EHMT1: variants seen among roughly 807,000 people sequenced by gnomAD.
EHMT1 encodes the protein histone-lysine N-methyltransferase EHMT1.
A neutral mutation model predicts 147.2 loss-of-function variants in EHMT1; 15 were observed. The observed-to-expected ratio is 0.10, with a 90% CI of 0.07 to 0.16. The LOEUF (loss-of-function observed/expected upper bound fraction) is 0.16. Ranked by LOEUF, EHMT1 falls within the 10% of genes least tolerant of loss-of-function variation. The pLI is 1.00. For missense variants in EHMT1, 1,587 were observed against 1,772.4 expected (o/e 0.90, Z 1.88); for synonymous variants, 795 against 709.6 (o/e 1.12, Z -1.91).
At chr9:137,777,812 G>A (rs950778053) in intron 12 of EHMT1, 70 bp from the exon 13 acceptor site, 41 of 1,596,138 alleles carry the variant, frequency 2.6e-5, no homozygotes, top group Admixed American at 1.7e-4. Flanking sequence ...CAGCGCTCTC[G>A]GGCAGTCAGA....
At chr9:137,630,495 G>A (rs984157823) in intron 1 of EHMT1, among the ~76,000 whole-genome samples, 2 of 152,130 alleles carry the variant, frequency 1.3e-5, no homozygotes, top group Non-Finnish European at 2.9e-5. Context: ...GGCATGAGAA[G>A]GTGGACAAAG....
At chr9:137,624,476 T>A (rs1843130758) in intron 1 of EHMT1, among the ~76,000 whole-genome samples, 2 of 151,966 alleles carry the variant, frequency 1.3e-5, no homozygotes, top group South Asian at 2.1e-4. Context: ...CCACCACGCC[T>A]GGCTAATTTT....
rs1956011845 is a variant in EHMT1, at chr9:137,828,970, C to CGAAGT, written c.3541-5371_3541-5367dup. 6.6e-6 allele frequency among the ~76,000 whole-genome samples: 1 copy of CGAAGT among 152,102 alleles called. No individual in the cohort carries two copies. The highest frequency in any genetic ancestry group is 2.4e-5 in the African/African-American group (1 of 41,424). On this transcript the variant is annotated intron_variant, in intron 25 of 26. Transcript: ENST00000460843. The surrounding 1 kb of genome is among the most constrained non-coding windows in gnomAD (Gnocchi z 5.3). Reference sequence around the variant, plus strand: ...CCCAGATGGCCTCTTTTGCCTCTGGCGAAGTGAAGTGAGCACCTGTAGTGA... The same window carrying CGAAGT: ...CCCAGATGGCCTCTTTTGCCTCTGGCGAAGTGAAGTGAAGTGAGCACCTGTAGTGA...
chr9:137,725,590 C>T (rs1164117449), intron 3 of EHMT1, among the ~76,000 whole-genome samples: 1 of 152,126 alleles, frequency 6.6e-6, no homozygotes, highest in Non-Finnish European at 1.5e-5. Flanking sequence ...GTAGGTTCCG[C>T]AGTAGGGAGC....
At chr9:137,735,886 C>T (rs1947491645) in intron 4 of EHMT1, among the ~76,000 whole-genome samples, 1 of 152,184 alleles carries the variant, frequency 6.6e-6, no homozygotes. Context: ...TTCCAATTTC[C>T]ACCATGAGCC....
chr9:137,813,592 G>A lies in EHMT1; in HGVS notation c.3180+62G>A. ...GACATGGGACAGGCAGAAGCTTCTTGAGCCTGGGGTCCTGGGTTCTCACCA... is the reference window on the plus strand; with the variant it reads ...GACATGGGACAGGCAGAAGCTTCTTAAGCCTGGGGTCCTGGGTTCTCACCA... On this transcript the variant is annotated intron_variant, in intron 21 of 26. Transcript: ENST00000460843. This position sits in a 1 kb window ranked among gnomAD's most constrained non-coding sequence, Gnocchi z 4.9. The A allele has an allele frequency of 6.2e-7, 1 of 1,604,596 alleles. No homozygotes were observed. The highest frequency in any genetic ancestry group is 2.2e-5 in the East Asian group (1 of 44,772).
At chr9:137,784,464 T>C in intron 15 of EHMT1, 3 of 1,104,698 alleles carry the variant, frequency 2.7e-6, no homozygotes, top group Non-Finnish European at 3.3e-6. Context: ...ATTTCGATTT[T>C]GCCGTTTCTC....
chr9:137,641,740 A>G (rs1004506255), intron 1 of EHMT1, among the ~76,000 whole-genome samples: 1 of 151,956 alleles, frequency 6.6e-6, no homozygotes, highest in Non-Finnish European at 1.5e-5. Context: ...AGGGGCAGAG[A>G]CGGGTGTTTG....
chr9:137,762,603 T>C, intron 9 of EHMT1, 72 bp from the exon 10 acceptor site: 13 of 1,609,948 alleles, frequency 8.1e-6, no homozygotes, highest in Non-Finnish European at 1.1e-5. Context: ...GTTGAGACTA[T>C]AATCGATCAC....
At chr9:137,690,406 G>A (rs1203559504) in intron 1 of EHMT1, among the ~76,000 whole-genome samples, 1 of 151,364 alleles carries the variant, frequency 6.6e-6, no homozygotes, top group African/African-American at 2.4e-5. Flanking sequence ...CGCTTTGAGA[G>A]GCCGAAGTGG....
chr9:137,775,020 T>G lies in EHMT1; in HGVS notation c.1648-89T>G. On this transcript the variant is annotated intron_variant, in intron 10 of 26. Transcript: ENST00000460843. This position sits in a 1 kb window ranked among gnomAD's most constrained non-coding sequence, Gnocchi z 6.1. ...TCAGCCCACACCTGCTGAGCAGCTC[T>G]TGTGTGCCTGCACTGCCCAGCGCCT... 1 of 1,586,602 alleles carries G rather than the reference T, an allele frequency of 6.3e-7. No homozygotes were observed. Among genetic ancestry groups the G allele is most frequent in the Non-Finnish European group, 8.6e-7 (1 of 1,157,640 alleles).
intron 7 of EHMT1, among the ~76,000 whole-genome samples, chr9:137,753,929 A>G (rs1301815039): frequency 6.6e-6 from 1 of 152,174 alleles, no homozygotes; most frequent in Non-Finnish European, 1.5e-5. Flanking sequence ...AGATGGATAC[A>G]TTTCACTTTC....
chr9:137,773,690 A>G (rs1950739541), intron 10 of EHMT1, among the ~76,000 whole-genome samples: 1 of 152,256 alleles, frequency 6.6e-6, no homozygotes, highest in African/African-American at 2.4e-5. Context: ...AAGTTTGGAC[A>G]GAACTCACAG....
chr9:137,787,906 A>G lies in EHMT1; in HGVS notation c.2383-2942A>G, dbSNP rs1272323712. The G allele has an allele frequency of 1.9e-5, 27 of 1,453,394 alleles. No individual in the cohort carries two copies. The highest frequency in any genetic ancestry group is 2.4e-4 in the Middle Eastern group (1 of 4,174). The allele number at this position is 1,453,394 out of a possible 1,614,324, so 90.0% of individuals were successfully genotyped here. A position where few individuals can be genotyped will look rare whatever the true frequency, so the allele number is the denominator to read the frequency against. On this transcript the variant is annotated intron_variant, in intron 15 of 26. Transcript: ENST00000460843. This position sits in a 1 kb window ranked among gnomAD's most constrained non-coding sequence, Gnocchi z 4.2. ...AAGGGCATTACCACATTGGGAGTGTAGATTGGCAAGTAGGAGGTGGGCAGC... is the reference window on the plus strand; with the variant it reads ...AAGGGCATTACCACATTGGGAGTGTGGATTGGCAAGTAGGAGGTGGGCAGC...
intron 1 of EHMT1, chr9:137,646,391 C>T (rs1589104905): frequency 1.0e-6 from 1 of 985,498 alleles, no homozygotes; most frequent in South Asian, 4.7e-5. Flanking sequence ...AATCCTGTGA[C>T]CACGGGGAGA....
rs1950964248 is a variant in EHMT1 at position 137,776,438 on chromosome 9, CG to C, written c.1792-177del. ...TCTTCTCTGTGGGGCGAGAGCACCA[CG>C]GGAAGCATCGTTCCTCCTTCTTAAC... On this transcript the variant is annotated intron_variant, in intron 11 of 26. Coordinates refer to ENST00000460843, the MANE Select transcript of EHMT1 (RefSeq NM_024757.5). The surrounding 1 kb of genome is among the most constrained non-coding windows in gnomAD (Gnocchi z 4.4). 1 of 610,688 alleles carries C rather than the reference CG, an allele frequency of 1.6e-6. No individual in the cohort carries two copies. The highest frequency in any genetic ancestry group is 1.8e-5 in the South Asian group (1 of 54,250). The allele number at this position is 610,688 out of a possible 1,614,324, so 37.8% of individuals were successfully genotyped here. A position where few individuals can be genotyped will look rare whatever the true frequency, so the allele number is the denominator to read the frequency against.
intron 16 of EHMT1, among the ~76,000 whole-genome samples, chr9:137,798,024 T>C (rs944918453): frequency 2.6e-5 from 4 of 152,162 alleles, no homozygotes; most frequent in Non-Finnish European, 4.4e-5. Flanking sequence ...TTTGAGATGG[T>C]TTGATAGGTG....
rs1228232829 is a variant in EHMT1 at position 137,814,521 on chromosome 9, T to C, written c.3258+13T>C. ...CTGGTACGACAAGGTGAGGGCGGCCTCGTGTGCGTGGGCTCAGGTGGTAAG... is the reference window on the plus strand; with the variant it reads ...CTGGTACGACAAGGTGAGGGCGGCCCCGTGTGCGTGGGCTCAGGTGGTAAG... On this transcript the variant is annotated intron_variant, in intron 22 of 26. Coordinates refer to ENST00000460843, the MANE Select transcript of EHMT1 (RefSeq NM_024757.5). 3 of 1,603,386 alleles carry C rather than the reference T, an allele frequency of 1.9e-6. No individual in the cohort carries two copies. Among genetic ancestry groups the C allele is most frequent in the Admixed American group, 1.7e-5 (1 of 60,002 alleles).
Position 137,731,758 on chromosome 9 carries a change from C to A in EHMT1, c.823+3229C>A, listed in dbSNP as rs887237542. Among the ~76,000 whole-genome samples the A allele has an allele frequency of 6.6e-6, 1 of 152,146 alleles. No homozygotes were observed. Among genetic ancestry groups the A allele is most frequent in the Non-Finnish European group, 1.5e-5 (1 of 68,016 alleles). ...CTACCGGCCCAGATCCCACACCTTC[C>A]GAGGGCAAGCCAGGAGTGGAGCAGC... On this transcript the variant is annotated intron_variant, in intron 4 of 26. Coordinates refer to ENST00000460843, the MANE Select transcript of EHMT1 (RefSeq NM_024757.5). The surrounding 1 kb of genome is among the most constrained non-coding windows in gnomAD (Gnocchi z 4.3).
Sources: gnomAD v4.1 joint callset for allele counts (sites outside exome capture counted in the v4.1 genomes callset) on GRCh38, gnomAD v4.1.1 for gene constraint, Gnocchi (gnomAD v3.1) non-coding constraint, MANE v1.5 for transcripts, NCBI Gene and HGNC (gene_info 2026-07-23, HGNC 2026-07-21) for gene names.